The following MCU variants were observed in gnomAD, a reference collection of about 807,000 sequenced individuals.
MCU encodes mitochondrial calcium uniporter.
A neutral mutation model predicts 45.2 loss-of-function variants in MCU; 12 were observed. That is an observed-to-expected ratio of 0.27 (90% CI 0.17 to 0.43). The LOEUF (loss-of-function observed/expected upper bound fraction) is 0.43. Ranked by LOEUF, MCU falls within the 20% of genes least tolerant of loss-of-function variation. The pLI is 1.00. For missense variants in MCU, 324 were observed against 436.7 expected, an observed-to-expected ratio of 0.74 and a Z score of 2.30; for synonymous variants, 160 against 165.1, an observed-to-expected ratio of 0.97 and a Z score of 0.24.
At chr10:72,839,735 T>C (rs976926964) in intron 2 of MCU, among the ~76,000 whole-genome samples, 25 of 150,094 alleles carry the variant, frequency 1.7e-4, no homozygotes, top group African/African-American at 5.9e-4. Context: ...GGGCAGATCA[T>C]GAGGTCAGGA....
At chr10:72,716,456 A>ATCTTT (rs1247223391) in intron 1 of MCU, among the ~76,000 whole-genome samples, 1 of 152,138 alleles carries the variant, frequency 6.6e-6, no homozygotes, top group African/African-American at 2.4e-5. Flanking sequence ...CAGCTTCTTT[A>ATCTTT]TCTTTTCTTT....
At chr10:72,829,322 CAAAAA>C (rs34102458) in intron 1 of MCU, among the ~76,000 whole-genome samples, 3 of 116,684 alleles carry the variant, frequency 2.6e-5, no homozygotes, top group Non-Finnish European at 5.3e-5. Flanking sequence ...GACACTGTCT[CAAAAA>C]AAAAAAAAAA....
At chr10:72,762,339 A>T (rs1211722983) in intron 1 of MCU, among the ~76,000 whole-genome samples, 2 of 152,202 alleles carry the variant, frequency 1.3e-5, no homozygotes, top group African/African-American at 4.8e-5. Context: ...AAAGACTGAG[A>T]AAAAGGGAAT....
intron 1 of MCU, among the ~76,000 whole-genome samples, chr10:72,719,101 T>G (rs1842988632): frequency 6.6e-6 from 1 of 152,194 alleles, no homozygotes; most frequent in African/African-American, 2.4e-5. Context: ...AGTTTATACT[T>G]TTTCATTTAC....
At chr10:72,820,019 T>C (rs984356782) in intron 1 of MCU, among the ~76,000 whole-genome samples, 1 of 152,202 alleles carries the variant, frequency 6.6e-6, no homozygotes, top group African/African-American at 2.4e-5. Flanking sequence ...TACTTTTTAT[T>C]CTGTGAACAT....
intron 1 of MCU, among the ~76,000 whole-genome samples, chr10:72,772,863 G>A (rs1843832707): frequency 6.6e-6 from 1 of 152,104 alleles, no homozygotes; most frequent in Non-Finnish European, 1.5e-5. Flanking sequence ...CAGTTTGTGA[G>A]CTTTCTGATT....
chr10:72,807,443 C>T (rs1433293074), intron 1 of MCU, among the ~76,000 whole-genome samples: 1 of 151,460 alleles, frequency 6.6e-6, no homozygotes, highest in East Asian at 1.9e-4. Context: ...GCCAAGAAGA[C>T]TAATGAAATT....
At chr10:72,699,727 G>T (rs1288351373) in intron 1 of MCU, among the ~76,000 whole-genome samples, 1 of 151,654 alleles carries the variant, frequency 6.6e-6, no homozygotes, top group Non-Finnish European at 1.5e-5. Context: ...GAGTGGCTGG[G>T]ACTACAGGTG....
intron 1 of MCU, among the ~76,000 whole-genome samples, chr10:72,820,374 C>A (rs1163387912): frequency 1.3e-5 from 2 of 152,154 alleles, no homozygotes; most frequent in African/African-American, 4.8e-5. Flanking sequence ...TTTGATATTT[C>A]TCAGTTTTAC....
chr10:72,864,594 A>G (rs1290503429), intron 4 of MCU, among the ~76,000 whole-genome samples: 1 of 152,206 alleles, frequency 6.6e-6, no homozygotes, highest in Non-Finnish European at 1.5e-5. Flanking sequence ...TATATAATAC[A>G]TATACAAAAC....
At chr10:72,862,211 G>C (rs1454324746) in intron 4 of MCU, among the ~76,000 whole-genome samples, 1 of 151,774 alleles carries the variant, frequency 6.6e-6, no homozygotes, top group African/African-American at 2.4e-5. Flanking sequence ...TCGATCTCCT[G>C]ACCTTGTGAT....
chr10:72,883,756 C>T (rs549824975), intron 6 of MCU, among the ~76,000 whole-genome samples: 199 of 152,268 alleles, frequency 1.3e-3, no homozygotes, highest in Middle Eastern at 3.4e-3. Flanking sequence ...GAATAGACTG[C>T]AGCTACACAC....
intron 1 of MCU, among the ~76,000 whole-genome samples, chr10:72,697,436 T>A (rs887514467): frequency 1.5e-5 from 2 of 133,802 alleles, no homozygotes; most frequent in Non-Finnish European, 3.2e-5. Context: ...ATTTTTTTTT[T>A]TTTTTTTTTT....
intron 1 of MCU, among the ~76,000 whole-genome samples, chr10:72,794,884 T>C (rs1412259580): frequency 6.6e-6 from 1 of 152,198 alleles, no homozygotes; most frequent in Non-Finnish European, 1.5e-5. Context: ...TGAGTCTTAA[T>C]AAAATATTTT....
intron 1 of MCU, among the ~76,000 whole-genome samples, chr10:72,739,944 G>A (rs1843303369): frequency 1.3e-5 from 2 of 151,858 alleles, no homozygotes; most frequent in South Asian, 4.2e-4. Flanking sequence ...CCAAAGTGCA[G>A]GGATTACAGG....
chr10:72,873,628 A>T (rs963149325), intron 6 of MCU, among the ~76,000 whole-genome samples: 4 of 151,948 alleles, frequency 2.6e-5, no homozygotes, highest in Non-Finnish European at 5.9e-5. Context: ...CCATCTGTCT[A>T]TTTTGACTTG....
intron 1 of MCU, among the ~76,000 whole-genome samples, chr10:72,744,180 T>C (rs542582199): frequency 9.9e-5 from 15 of 151,966 alleles, no homozygotes; most frequent in Non-Finnish European, 1.9e-4. Flanking sequence ...AATAACTATG[T>C]ATAACTATAT....
intron 1 of MCU, among the ~76,000 whole-genome samples, chr10:72,748,397 C>T (rs970294446): frequency 1.3e-5 from 2 of 152,268 alleles, no homozygotes; most frequent in African/African-American, 4.8e-5. Flanking sequence ...CTCAGTAGAG[C>T]GTGTAACTGT....
chr10:72,839,298 C>A (rs551143071), intron 2 of MCU, among the ~76,000 whole-genome samples: 1 of 152,096 alleles, frequency 6.6e-6, no homozygotes, highest in South Asian at 2.1e-4. Flanking sequence ...CCACAACAAT[C>A]CATCTTTGGA....
Sources: allele counts gnomAD v4.1 joint callset (sites outside exome capture counted in the v4.1 genomes callset), GRCh38; gene constraint gnomAD v4.1.1; transcripts MANE v1.5; gene names NCBI Gene and HGNC (gene_info 2026-07-23, HGNC 2026-07-21).